Variants in ARHGEF3 observed in about 807,000 individuals in gnomAD.
ARHGEF3 encodes the protein Rho guanine nucleotide exchange factor 3, also known as 59.8 kDA protein.
Under a neutral mutation model 63.2 loss-of-function variants are expected in ARHGEF3, and 28 were observed. The observed-to-expected ratio is 0.44, with a 90% confidence interval of 0.33 to 0.61. The LOEUF (loss-of-function observed/expected upper bound fraction) is 0.61, where lower values mean the gene tolerates loss of function less well. Among genes scored for constraint, ARHGEF3 ranks in the 20% least tolerant of loss-of-function variants. ARHGEF3 has a pLI of 0.03. For synonymous variants in ARHGEF3, 266 were observed against 254.2 expected (o/e 1.05, Z -0.44); for missense variants, 533 against 659.3 (o/e 0.81, Z 2.10).
chr3:56,889,430 G>A (rs1405485784), intron 3 of ARHGEF3, among the ~76,000 whole-genome samples: 1 of 152,172 alleles, frequency 6.6e-6, no homozygotes, highest in Non-Finnish European at 1.5e-5. Context: ...TACAAAAGTG[G>A]AGGGAAACAG....
At chr3:56,817,641 T>G (rs2038321871) in intron 4 of ARHGEF3, among the ~76,000 whole-genome samples, 2 of 152,218 alleles carry the variant, frequency 1.3e-5, no homozygotes, top group African/African-American at 4.8e-5. Context: ...ATATATTACC[T>G]TACTGAATCC....
chr3:56,826,958 T>C (rs2038735768), intron 4 of ARHGEF3, among the ~76,000 whole-genome samples: 2 of 152,260 alleles, frequency 1.3e-5, no homozygotes, highest in African/African-American at 4.8e-5. Flanking sequence ...TCACATTGTA[T>C]ACCAGGATAA....
intron 4 of ARHGEF3, among the ~76,000 whole-genome samples, chr3:56,815,072 A>T (rs937514603): frequency 6.6e-6 from 1 of 151,778 alleles, no homozygotes; most frequent in African/African-American, 2.4e-5. Context: ...TGAGCCTAAG[A>T]GTTTGAGGCT....
chr3:56,922,134 C>A lies in ARHGEF3; in HGVS notation c.129+36689G>T, dbSNP rs766897772. 2.0e-5 allele frequency among the ~76,000 whole-genome samples: 3 copies of A among 151,764 alleles called. No individual in the cohort carries two copies. The East Asian group carries it at 5.8e-4, about 29-fold the overall frequency. ...GAAGCAGCCACCGGCCTGGCCGCTG[C>A]GGTTCTGCCTCCTTGACTAACACAA... On this transcript the variant is annotated intron_variant, in intron 3 of 12. Coordinates refer to the ARHGEF3 transcript ENST00000338458.
chr3:57,000,174 T>C (rs1702132680), intron 2 of ARHGEF3, among the ~76,000 whole-genome samples: 1 of 152,178 alleles, frequency 6.6e-6, no homozygotes, highest in South Asian at 2.1e-4. Context: ...ATTGTCATAG[T>C]GAATGTTATT....
At chr3:56,906,975 ATTTTTTTTTT>A (rs368006965) in intron 3 of ARHGEF3, among the ~76,000 whole-genome samples, 5 of 72,368 alleles carry the variant, frequency 6.9e-5, no homozygotes, top group Admixed American at 6.9e-4. Context: ...CTCACATTCT[ATTTTTTTTTT>A]TTTTTTTTTT....
At chr3:56,856,652 T>C (rs1356958605) in intron 4 of ARHGEF3, among the ~76,000 whole-genome samples, 3 of 151,598 alleles carry the variant, frequency 2.0e-5, no homozygotes, top group Admixed American at 6.6e-5. Flanking sequence ...TTATACCTCT[T>C]GTTTTAGAAT....
intron 2 of ARHGEF3, among the ~76,000 whole-genome samples, chr3:57,016,982 A>G (rs943943482): frequency 1.4e-5 from 2 of 148,088 alleles, no homozygotes; most frequent in Admixed American, 6.7e-5. Context: ...CTGGTGGGGG[A>G]GAGAGAGGAA....
chr3:56,891,378 A>G (rs547782131), intron 3 of ARHGEF3, among the ~76,000 whole-genome samples: 13 of 147,850 alleles, frequency 8.8e-5, no homozygotes, highest in Non-Finnish European at 1.8e-4. Context: ...TTTTTAAAAC[A>G]TCCTCCTTTT....
chr3:56,835,797 G>A (rs1187389540), intron 4 of ARHGEF3, among the ~76,000 whole-genome samples: 1 of 152,122 alleles, frequency 6.6e-6, no homozygotes, highest in African/African-American at 2.4e-5. Context: ...AAATGGGCCT[G>A]ATAAATAAAG....
chr3:56,878,272 C>T (rs1312302045), intron 4 of ARHGEF3, among the ~76,000 whole-genome samples: 1 of 152,158 alleles, frequency 6.6e-6, no homozygotes, highest in African/African-American at 2.4e-5. Context: ...TGAAACCATC[C>T]TACTCATATC....
At chr3:57,010,258 T>A (rs1038537681) in intron 2 of ARHGEF3, among the ~76,000 whole-genome samples, 1 of 151,856 alleles carries the variant, frequency 6.6e-6, no homozygotes, top group South Asian at 2.1e-4. Context: ...ATAGAGACCA[T>A]CCTGGCTAAC....
intron 2 of ARHGEF3, among the ~76,000 whole-genome samples, chr3:57,001,771 T>C (rs1381829664): frequency 6.6e-6 from 1 of 152,176 alleles, no homozygotes; most frequent in East Asian, 1.9e-4. Context: ...TGTAGCCAAC[T>C]GAATTATTTA....
At chr3:56,925,152 G>A (rs2042244020) in intron 3 of ARHGEF3, among the ~76,000 whole-genome samples, 1 of 152,270 alleles carries the variant, frequency 6.6e-6, no homozygotes, top group African/African-American at 2.4e-5. Flanking sequence ...CATTCTGCGA[G>A]GGTGGTGGCA....
At chr3:57,071,544 C>T (rs2107402378) in intron 1 of ARHGEF3, among the ~76,000 whole-genome samples, 1 of 151,904 alleles carries the variant, frequency 6.6e-6, no homozygotes, top group South Asian at 2.1e-4. Context: ...CCTGTAGTCC[C>T]AGCTACTTGA....
chr3:56,921,158 A>G (rs1459146436), intron 3 of ARHGEF3, among the ~76,000 whole-genome samples: 1 of 149,672 alleles, frequency 6.7e-6, no homozygotes, highest in African/African-American at 2.5e-5. Flanking sequence ...TGAGCCCGGG[A>G]GTTCAAGACC....
At chr3:56,851,560 G>C (rs957727506) in intron 4 of ARHGEF3, among the ~76,000 whole-genome samples, 1 of 151,108 alleles carries the variant, frequency 6.6e-6, no homozygotes, top group Non-Finnish European at 1.5e-5. Flanking sequence ...GCTAATTTTT[G>C]TATTTTATGT....
At chr3:56,744,237 T>C (rs1559895681) in intron 7 of ARHGEF3, among the ~76,000 whole-genome samples, 1 of 152,138 alleles carries the variant, frequency 6.6e-6, no homozygotes, top group East Asian at 1.9e-4. Flanking sequence ...CCATCTGCCA[T>C]CTCTACCATG....
chr3:56,886,510 C>G (rs190045076), intron 3 of ARHGEF3, among the ~76,000 whole-genome samples: 1 of 152,306 alleles, frequency 6.6e-6, no homozygotes, highest in Middle Eastern at 3.4e-3. Context: ...TGCCAGTGAT[C>G]TACAGAGTAG....
Sources: gnomAD v4.1 joint callset for allele counts (sites outside exome capture counted in the v4.1 genomes callset) on GRCh38, gnomAD v4.1.1 for gene constraint, MANE v1.5 for transcripts, NCBI Gene and HGNC (gene_info 2026-07-23, HGNC 2026-07-21) for gene names.